The following GRID2 variants were observed in gnomAD, a reference collection of about 807,000 sequenced individuals.
GRID2 encodes the protein glutamate receptor ionotropic, delta-2.
In GRID2, 33 loss-of-function variants were observed where a neutral mutation model predicts 114.8. The observed-to-expected ratio is 0.29, with a 90% CI of 0.22 to 0.38. The LOEUF is 0.38. Among genes scored for constraint, GRID2 ranks in the 10% least tolerant of loss-of-function variants. GRID2 has a pLI of 1.00. For missense variants in GRID2, 1,184 were observed against 1,257.7 expected (o/e 0.94, Z 0.89); for synonymous variants, 505 against 449.9 (o/e 1.12, Z -1.55).
intron 1 of GRID2, among the ~76,000 whole-genome samples, chr4:92,472,002 C>A (rs1303869173): frequency 9.6e-6 from 1 of 104,600 alleles, no homozygotes; most frequent in South Asian, 3.4e-4. Context: ...GGCGGGATCT[C>A]GGCTCACTGC....
intron 14 of GRID2, among the ~76,000 whole-genome samples, chr4:93,681,146 A>G (rs892759200): frequency 4.6e-5 from 7 of 151,382 alleles, no homozygotes; most frequent in Non-Finnish European, 8.8e-5. Flanking sequence ...ACAGACAAAC[A>G]GAGCGAAATC....
At chr4:92,450,964 T>C (rs1194009356) in intron 1 of GRID2, among the ~76,000 whole-genome samples, 1 of 151,012 alleles carries the variant, frequency 6.6e-6, no homozygotes, top group Non-Finnish European at 1.5e-5. Flanking sequence ...TTTATTATAG[T>C]GACCATACAA....
intron 1 of GRID2, among the ~76,000 whole-genome samples, chr4:92,490,591 C>A (rs1272752325): frequency 2.0e-5 from 3 of 152,094 alleles, no homozygotes; most frequent in Non-Finnish European, 2.9e-5. Flanking sequence ...CACTATAACT[C>A]TATCATATTG....
chr4:93,717,765 G>T lies in GRID2; in HGVS notation c.2361-51445G>T, dbSNP rs189818627. ...TGATACGCCTTTTATAGAATCAAGT[G>T]CTAAGATAAAGAATCTTAAAAGCTT... On this transcript the variant is annotated intron_variant, in intron 14 of 15. Coordinates refer to ENST00000282020, the MANE Select transcript of GRID2 (RefSeq NM_001510.4). Among the ~76,000 whole-genome samples, 514 of 152,226 alleles carry T rather than the reference G, an allele frequency of 3.4e-3. 3 individuals carry two copies. The highest frequency in any genetic ancestry group is 0.012 in the South Asian group (57 of 4,828).
At chr4:92,956,292 A>T (rs758798605) in intron 2 of GRID2, among the ~76,000 whole-genome samples, 3 of 152,160 alleles carry the variant, frequency 2.0e-5, no homozygotes. Flanking sequence ...TATTGAGTCT[A>T]TGGGCTTGGA....
At chr4:92,437,229 G>A (rs1166938892) in intron 1 of GRID2, among the ~76,000 whole-genome samples, 3 of 152,052 alleles carry the variant, frequency 2.0e-5, no homozygotes, top group South Asian at 2.1e-4. Context: ...GCATTTCACC[G>A]ACGAATGATT....
At chr4:92,636,410 G>C (rs1326527582) in intron 2 of GRID2, among the ~76,000 whole-genome samples, 1 of 151,950 alleles carries the variant, frequency 6.6e-6, no homozygotes, top group Non-Finnish European at 1.5e-5. Context: ...ATTTTATTGA[G>C]ACCAACTGAG....
At chr4:92,322,688 G>A (rs1403989048) in intron 1 of GRID2, among the ~76,000 whole-genome samples, 4 of 152,040 alleles carry the variant, frequency 2.6e-5, no homozygotes, top group African/African-American at 9.7e-5. Context: ...TTGAAGTTTG[G>A]CTCAGCCTCA....
chr4:93,156,028 T>C (rs1016135615), intron 4 of GRID2, among the ~76,000 whole-genome samples: 1 of 151,686 alleles, frequency 6.6e-6, no homozygotes, highest in Non-Finnish European at 1.5e-5. Flanking sequence ...GATACCCAAT[T>C]ACCACAATGT....
At chr4:93,500,585 T>G (rs960995149) in intron 12 of GRID2, among the ~76,000 whole-genome samples, 1 of 151,988 alleles carries the variant, frequency 6.6e-6, no homozygotes. Flanking sequence ...GAGGGTTGTC[T>G]TTTTGCCCTG....
chr4:92,936,318 T>C (rs936847289), intron 2 of GRID2, among the ~76,000 whole-genome samples: 1 of 146,368 alleles, frequency 6.8e-6, no homozygotes. Context: ...AGTTTAAAAA[T>C]AGAAAAAAAT....
At chr4:92,417,320 C>T (rs1480567641) in intron 1 of GRID2, among the ~76,000 whole-genome samples, 2 of 152,026 alleles carry the variant, frequency 1.3e-5, no homozygotes, top group East Asian at 1.9e-4. Flanking sequence ...GAGCAAAATA[C>T]TCTGAAAAGT....
chr4:92,750,407 T>G (rs970901751), intron 2 of GRID2, among the ~76,000 whole-genome samples: 4 of 152,202 alleles, frequency 2.6e-5, no homozygotes, highest in African/African-American at 9.6e-5. Flanking sequence ...ATATGAAAAT[T>G]CAACATTTGT....
At chr4:93,447,345 A>G (rs1386187218) in intron 10 of GRID2, among the ~76,000 whole-genome samples, 1 of 152,016 alleles carries the variant, frequency 6.6e-6, no homozygotes, top group Non-Finnish European at 1.5e-5. Context: ...TAAAATCTGT[A>G]TTTTAGAATT....
At chr4:93,181,110 G>T (rs940567816) in intron 4 of GRID2, among the ~76,000 whole-genome samples, 2 of 152,110 alleles carry the variant, frequency 1.3e-5, no homozygotes, top group Non-Finnish European at 2.9e-5. Context: ...AGGGTGATAA[G>T]ACTTAAAAGT....
intron 2 of GRID2, among the ~76,000 whole-genome samples, chr4:92,841,857 A>T (rs1424192042): frequency 6.6e-6 from 1 of 152,062 alleles, no homozygotes; most frequent in Non-Finnish European, 1.5e-5. Flanking sequence ...ATACATAGGA[A>T]TATCATCTCT....
chr4:92,386,834 A>G (rs1202431880), intron 1 of GRID2, among the ~76,000 whole-genome samples: 1 of 151,852 alleles, frequency 6.6e-6, no homozygotes, highest in East Asian at 1.9e-4. Flanking sequence ...AGGCAATGCT[A>G]TGGAGGATTA....
chr4:93,788,278 A>G (rs1477846146), intron 1 of GRID2, among the ~76,000 whole-genome samples: 2 of 151,922 alleles, frequency 1.3e-5, no homozygotes, highest in Non-Finnish European at 2.9e-5. Flanking sequence ...AGATCACACC[A>G]TTGCACTCCA....
intron 8 of GRID2, among the ~76,000 whole-genome samples, chr4:93,258,188 T>C (rs1749839036): frequency 6.6e-6 from 1 of 151,494 alleles, no homozygotes. Flanking sequence ...GTTTGAATAA[T>C]TAAGTTTTCA....
Sources: gnomAD v4.1 joint callset for allele counts (sites outside exome capture counted in the v4.1 genomes callset) on GRCh38, gnomAD v4.1.1 for gene constraint, MANE v1.5 for transcripts, NCBI Gene and HGNC (gene_info 2026-07-23, HGNC 2026-07-21) for gene names.